TMEM132C: variants seen among roughly 807,000 people sequenced by gnomAD.
TMEM132C encodes transmembrane protein 132C.
In TMEM132C, 29 loss-of-function variants were observed where a neutral mutation model predicts 61.4. The observed-to-expected ratio is 0.47, with a 90% CI of 0.35 to 0.64. The LOEUF (loss-of-function observed/expected upper bound fraction) is 0.64. Ranked by LOEUF, TMEM132C falls within the 30% of genes least tolerant of loss-of-function variation. The pLI is 0.00. For synonymous variants in TMEM132C, 656 were observed against 633.1 expected (o/e 1.04, Z -0.54); for missense variants, 1,408 against 1,476.9 (o/e 0.95, Z 0.76).
intron 2 of TMEM132C, among the ~76,000 whole-genome samples, chr12:128,460,416 T>C (rs1870494228): frequency 6.6e-6 from 1 of 152,122 alleles, no homozygotes; most frequent in African/African-American, 2.4e-5. Flanking sequence ...TAAGTCCACT[T>C]GTTCAAGCCA....
At chr12:128,503,960 C>T (rs1051529802) in intron 2 of TMEM132C, among the ~76,000 whole-genome samples, 1 of 152,212 alleles carries the variant, frequency 6.6e-6, no homozygotes, top group African/African-American at 2.4e-5. Context: ...CCCATGAACC[C>T]TTTTGCAGTT....
intron 5 of TMEM132C, among the ~76,000 whole-genome samples, chr12:128,686,096 G>A (rs537847171): frequency 8.0e-4 from 119 of 149,348 alleles, no homozygotes; most frequent in Admixed American, 2.3e-3. Flanking sequence ...TGTTGTGTGC[G>A]CATGTGTGTG....
chr12:128,359,905 T>C (rs568089874), intron 1 of TMEM132C, among the ~76,000 whole-genome samples: 128 of 152,186 alleles, frequency 8.4e-4, no homozygotes, highest in Non-Finnish European at 1.2e-3. Context: ...GAGAGTGAAG[T>C]TTTATAGCAG....
chr12:128,621,126 C>T (rs923040047), intron 4 of TMEM132C, among the ~76,000 whole-genome samples: 3 of 152,026 alleles, frequency 2.0e-5, no homozygotes, highest in African/African-American at 7.2e-5. Flanking sequence ...GGGGCTGGCC[C>T]ATGTGAACTA....
chr12:128,582,650 T>A (rs1875387968), intron 3 of TMEM132C, among the ~76,000 whole-genome samples: 1 of 152,174 alleles, frequency 6.6e-6, no homozygotes, highest in African/African-American at 2.4e-5. Flanking sequence ...TGCTGTTGCA[T>A]CTTCCTCATT....
Position 128,693,762 on chromosome 12 carries a change from C to T in TMEM132C, c.1450-67C>T, listed in dbSNP as rs60410261. 7 of 1,521,024 alleles carry T rather than the reference C, an allele frequency of 4.6e-6. No individual in the cohort carries two copies. The African/African-American group carries it at 5.5e-5, about 12-fold the overall frequency. 94.2% of individuals were successfully genotyped at this position (1,521,024 alleles called of 1,614,324 possible). A position where few individuals can be genotyped will look rare whatever the true frequency, so the allele number is the denominator to read the frequency against. On this transcript the variant is annotated intron_variant, in intron 5 of 8. Transcript: ENST00000435159. ...GTGCTTTGCAAGATAATAGGAAAAA[C>T]AAAAAAAGGATTGTCTCCAAGGCTC...
chr12:128,397,488 G>T (rs1250563130), intron 1 of TMEM132C, among the ~76,000 whole-genome samples: 3 of 152,096 alleles, frequency 2.0e-5, no homozygotes, highest in African/African-American at 7.2e-5. Flanking sequence ...CATACGAGGG[G>T]GTCTATATTC....
intron 1 of TMEM132C, among the ~76,000 whole-genome samples, chr12:128,379,382 C>T (rs549079680): frequency 6.6e-6 from 1 of 152,348 alleles, no homozygotes; most frequent in South Asian, 2.1e-4. Context: ...TGGTTTGTCT[C>T]AGCTAGGCTT....
At chr12:128,456,917 C>T (rs75550664) in intron 2 of TMEM132C, among the ~76,000 whole-genome samples, 6,670 of 152,192 alleles carry the variant, frequency 0.044, 479 homozygotes, top group African/African-American at 0.15. Context: ...TTACATAATA[C>T]ACTATTTTCG....
intron 1 of TMEM132C, among the ~76,000 whole-genome samples, chr12:128,320,757 G>A (rs1038034817): frequency 6.6e-6 from 1 of 151,308 alleles, no homozygotes; most frequent in African/African-American, 2.4e-5. Context: ...TCCAGCCTGG[G>A]CGACACAGCA....
chr12:128,268,307 T>C (rs1264002112), intron 1 of TMEM132C, among the ~76,000 whole-genome samples: 1 of 152,080 alleles, frequency 6.6e-6, no homozygotes, highest in East Asian at 1.9e-4. Flanking sequence ...AGCCGTGTGG[T>C]TTTTCCGACC....
intron 1 of TMEM132C, among the ~76,000 whole-genome samples, chr12:128,337,091 A>G (rs1311541227): frequency 1.3e-5 from 2 of 152,238 alleles, no homozygotes; most frequent in Non-Finnish European, 2.9e-5. Context: ...AATAAGCCAC[A>G]GAGAAATTAG....
intron 1 of TMEM132C, among the ~76,000 whole-genome samples, chr12:128,379,000 G>A (rs1218059787): frequency 1.3e-5 from 2 of 152,080 alleles, no homozygotes; most frequent in Admixed American, 6.5e-5. Context: ...TTTCACCTTC[G>A]GCCATGATTG....
intron 2 of TMEM132C, among the ~76,000 whole-genome samples, chr12:128,496,896 G>A (rs983802152): frequency 2.6e-5 from 4 of 151,544 alleles, no homozygotes; most frequent in Non-Finnish European, 5.9e-5. Flanking sequence ...CTTTTGGAAG[G>A]GGAGAGGTGC....
intron 3 of TMEM132C, among the ~76,000 whole-genome samples, chr12:128,578,974 G>A (rs1875231161): frequency 6.6e-6 from 1 of 152,158 alleles, no homozygotes; most frequent in Non-Finnish European, 1.5e-5. Flanking sequence ...AAATAGAGGT[G>A]ACTAGGGGAG....
chr12:128,538,273 A>G (rs1045426129), intron 2 of TMEM132C, among the ~76,000 whole-genome samples: 1 of 149,764 alleles, frequency 6.7e-6, no homozygotes, highest in South Asian at 2.2e-4. Context: ...GGTCCCTCCC[A>G]CCATGCCTGG....
rs1005818798 is a variant in TMEM132C, at chr12:128,628,028, C to T, written c.1305+11693C>T. 2.0e-5 allele frequency among the ~76,000 whole-genome samples: 3 copies of T among 152,176 alleles called. 1 individual carries two copies. The South Asian group carries it at 6.2e-4, about 32-fold the overall frequency. ...CATCAGCCAGGTCTCCCCAGGCCTG[C>T]CGCACACTCTGGTATCGCACCTGCC... is the stretch of plus-strand genomic sequence containing the variant. On this transcript the variant is annotated intron_variant, in intron 4 of 8. Coordinates refer to ENST00000435159, the MANE Select transcript of TMEM132C (RefSeq NM_001136103.3).
At chr12:128,507,902 A>T (rs962328417) in intron 2 of TMEM132C, among the ~76,000 whole-genome samples, 5 of 152,182 alleles carry the variant, frequency 3.3e-5, no homozygotes, top group African/African-American at 1.2e-4. Context: ...GTGTGAGGAG[A>T]TGGTGAAAAA....
At chr12:128,437,752 C>T (rs1430203969) in intron 2 of TMEM132C, 1 of 152,108 alleles carries the variant, frequency 6.6e-6, no homozygotes, top group Non-Finnish European at 1.5e-5. Context: ...TATTTGTTTC[C>T]CTTAGAAAAT....
Sources: allele counts gnomAD v4.1 joint callset (sites outside exome capture counted in the v4.1 genomes callset), GRCh38; gene constraint gnomAD v4.1.1; transcripts MANE v1.5; gene names NCBI Gene and HGNC (gene_info 2026-07-23, HGNC 2026-07-21).